MAGI3: variants seen among roughly 807,000 people sequenced by gnomAD.
MAGI3 encodes the protein membrane associated guanylate kinase, WW and PDZ domain containing 3, also known as membrane-associated guanylate kinase, WW and PDZ domain-containing protein 3.
Under a neutral mutation model 121.8 loss-of-function variants are expected in MAGI3, and 43 were observed. The observed-to-expected ratio is 0.35, with a 90% CI of 0.28 to 0.46. The LOEUF (loss-of-function observed/expected upper bound fraction) is 0.46. Among genes scored for constraint, MAGI3 ranks in the 20% least tolerant of loss-of-function variants. The pLI is 1.00. For missense variants in MAGI3, 1,547 were observed against 1,797.3 expected, an observed-to-expected ratio of 0.86 and a Z score of 2.52; for synonymous variants, 553 against 639.3, an observed-to-expected ratio of 0.86 and a Z score of 2.04.
chr1:113,661,569 C>T (rs1653786379), intron 16 of MAGI3, among the ~76,000 whole-genome samples: 1 of 152,164 alleles, frequency 6.6e-6, no homozygotes, highest in African/African-American at 2.4e-5. Flanking sequence ...GTAACTTTTC[C>T]CCCAAAATTA....
rs200713398 is a variant in MAGI3, at chr1:113,646,674, T to A, written c.2155+32T>A. The A allele has an allele frequency of 4.5e-5, 68 of 1,494,716 alleles. 1 individual carries two copies. In the East Asian group the frequency reaches 1.5e-3, roughly 34 times the overall value. 92.6% of individuals were successfully genotyped at this position (1,494,716 alleles called of 1,614,324 possible). A position where few individuals can be genotyped will look rare whatever the true frequency, so the allele number is the denominator to read the frequency against. ...AGTTGTGGAATATTTCAGGAGAGCA[T>A]ATAACAAGATAAATTTGGATTTATT... On this transcript the variant is annotated intron_variant, in intron 12 of 20. Transcript: ENST00000307546.
At chr1:113,514,069 A>T (rs887672684) in intron 1 of MAGI3, among the ~76,000 whole-genome samples, 25 of 152,202 alleles carry the variant, frequency 1.6e-4, no homozygotes, top group Admixed American at 1.3e-3. Context: ...TCAAAACCAC[A>T]ATGAGATACC....
intron 2 of MAGI3, among the ~76,000 whole-genome samples, chr1:113,559,329 C>T (rs1451309194): frequency 4.6e-5 from 7 of 152,186 alleles, no homozygotes; most frequent in Non-Finnish European, 1.0e-4. Context: ...CAAAGACACA[C>T]ATAGGCTCAA....
chr1:113,668,569 CTTT>C (rs370302032), intron 16 of MAGI3, among the ~76,000 whole-genome samples: 1 of 94,846 alleles, frequency 1.1e-5, no homozygotes. Context: ...AAACATGTAA[CTTT>C]TTTTTTTTTT....
rs1011701008 is a variant in MAGI3 at position 113,685,710 on chromosome 1, CAT to C, written c.*1699_*1700del. The C allele has an allele frequency of 1.3e-5, 2 of 152,244 alleles. No individual in the cohort carries two copies. The highest frequency in any genetic ancestry group is 4.8e-5 in the African/African-American group (2 of 41,424). The allele number at this position is 152,244 out of a possible 1,614,324, so 9.4% of individuals were successfully genotyped here. A position where few individuals can be genotyped will look rare whatever the true frequency, so the allele number is the denominator to read the frequency against. On this transcript the variant is annotated 3_prime_UTR_variant, in exon 21 of 21. Transcript: ENST00000307546. ...GTTAACTGTGACATAACTTTGATGT[CAT>C]ATGTTGTCCTATGTGGTTCTTCCTA...
At chr1:113,585,701 T>C in intron 4 of MAGI3, 105 bp downstream of exon 4, 1 of 932,452 alleles carries the variant, frequency 1.1e-6, no homozygotes, top group South Asian at 1.7e-5. Flanking sequence ...GGAGAGCAAG[T>C]GATGGGATTT....
At chr1:113,455,990 G>A (rs1037733749) in intron 1 of MAGI3, among the ~76,000 whole-genome samples, 13 of 150,264 alleles carry the variant, frequency 8.7e-5, no homozygotes, top group East Asian at 1.9e-4. Flanking sequence ...TTGCTCTGTC[G>A]CCCAGGCTGG....
intron 2 of MAGI3, among the ~76,000 whole-genome samples, chr1:113,571,910 GC>G (rs2101704720): frequency 6.6e-6 from 1 of 152,226 alleles, no homozygotes; most frequent in South Asian, 2.1e-4. Context: ...AATTGCCCTG[GC>G]CAGAACTTCC....
chr1:113,488,891 C>T (rs554053559), intron 1 of MAGI3, among the ~76,000 whole-genome samples: 1 of 152,206 alleles, frequency 6.6e-6, no homozygotes, highest in East Asian at 1.9e-4. Flanking sequence ...CTGCCAGTAC[C>T]CCACCCCTGA....
rs376276765 is a variant in MAGI3, at chr1:113,536,797, T to C, written c.317-12718T>C. Among the ~76,000 whole-genome samples, 22 of 152,154 alleles carry C rather than the reference T, an allele frequency of 1.4e-4. No homozygotes were observed. The East Asian group carries it at 1.7e-3, about 12-fold the overall frequency. ...GTTCAAATATAAGATGATTTCCTCTTCTAAGGATAGTTTTTGATATTGAAA... is the reference window on the plus strand; with the variant it reads ...GTTCAAATATAAGATGATTTCCTCTCCTAAGGATAGTTTTTGATATTGAAA... On this transcript the variant is annotated intron_variant, in intron 1 of 20. Transcript: ENST00000307546.
At chr1:113,625,101 G>A (rs965907378) in intron 9 of MAGI3, among the ~76,000 whole-genome samples, 14 of 152,152 alleles carry the variant, frequency 9.2e-5, no homozygotes, top group African/African-American at 2.9e-4. Context: ...CTATAGCTCT[G>A]TAGTATAATT....
chr1:113,662,778 G>T (rs1016750278), intron 16 of MAGI3, among the ~76,000 whole-genome samples: 14 of 152,066 alleles, frequency 9.2e-5, no homozygotes, highest in African/African-American at 3.1e-4. Context: ...ATTTTACACT[G>T]GGTTTTTCTC....
At position 113,653,841 on chromosome 1, in the gene MAGI3, G is replaced by A. The variant is rs767115628; in HGVS notation, c.2452G>A (p.Glu818Lys). 6.1e-5 allele frequency: 98 copies of A among 1,597,836 alleles called. No individual in the cohort carries two copies. The highest frequency in any genetic ancestry group is 2.0e-4 in the East Asian group (9 of 44,422). ...RKIFYGEKQP[E>K]DDSSQAFIST... ...CATGTTTATTACAGAAAAACAACCC[G>A]AGGACGACAGCTCTCAGGCCTTCAT... Residue 818 changes from glutamate to lysine, a missense_variant, in exon 15 of 21, where the codon GAG becomes AAG. By Grantham distance (56) the Glu-to-Lys change is moderately conservative. Coordinates refer to ENST00000307546, the MANE Select transcript of MAGI3 (RefSeq NM_001142782.2).
Position 113,391,376 on chromosome 1 carries a change from G to T in MAGI3, c.316+27G>T. ...TACGCCGGCCCTGCGTATCTGTCTC[G>T]GGGTGTTGGGGAGAGGGGCTTCAGG... On this transcript the variant is annotated intron_variant, in intron 1 of 20. Transcript: ENST00000307546. The surrounding 1 kb of genome is among the most constrained non-coding windows in gnomAD (Gnocchi z 4.4). 1 of 1,566,006 alleles carries T rather than the reference G, an allele frequency of 6.4e-7. No individual in the cohort carries two copies. Among genetic ancestry groups the T allele is most frequent in the Non-Finnish European group, 8.6e-7 (1 of 1,156,462 alleles).
intron 1 of MAGI3, among the ~76,000 whole-genome samples, chr1:113,505,056 G>A (rs1375890721): frequency 1.3e-5 from 2 of 152,012 alleles, no homozygotes; most frequent in Non-Finnish European, 2.9e-5. Context: ...GCAGTATGTA[G>A]CAAAAGAGAA....
chr1:113,622,835 C>A lies in MAGI3; in HGVS notation c.1201C>A (p.Pro401Thr). Residue 401 changes from proline to threonine, a missense_variant, in exon 9 of 21, where the codon CCA (proline) becomes ACA (threonine). Transcript: ENST00000307546. ...GGAAAAATCACACTTCACAAGAGAT[C>A]CATCCCAGCTTAAAGGTGTCCTTGT... Reference protein sequence around the residue: ...DMEKSHFTRDPSQLKGVLVRA... With the variant: ...DMEKSHFTRDTSQLKGVLVRA... The A allele has an allele frequency of 6.3e-7, 1 of 1,589,456 alleles. No homozygotes were observed. The highest frequency in any genetic ancestry group is 8.5e-7 in the Non-Finnish European group (1 of 1,172,348).
intron 1 of MAGI3, among the ~76,000 whole-genome samples, chr1:113,396,924 A>G (rs923221430): frequency 2.6e-5 from 4 of 152,214 alleles, no homozygotes; most frequent in African/African-American, 9.6e-5. Flanking sequence ...GGTGAAAATG[A>G]GACTAACTGG....
chr1:113,397,780 C>T (rs776204023), intron 1 of MAGI3, among the ~76,000 whole-genome samples: 20 of 152,026 alleles, frequency 1.3e-4, no homozygotes, highest in Non-Finnish European at 2.1e-4. Context: ...CCTCATTCCA[C>T]TCATAATGTT....
Position 113,683,549 on chromosome 1 carries a change from C to A in MAGI3, c.3981C>A (p.Ile1327=). The A allele has an allele frequency of 6.2e-7, 1 of 1,613,738 alleles. No individual in the cohort carries two copies. Among genetic ancestry groups the A allele is most frequent in the Non-Finnish European group, 8.5e-7 (1 of 1,179,860 alleles). Residue 1327 remains isoleucine (I), a synonymous_variant, in exon 21 of 21, where the codon ATC becomes ATA. Coordinates refer to ENST00000307546, the MANE Select transcript of MAGI3 (RefSeq NM_001142782.2). The stretch of plus-strand genomic sequence containing the variant: ...ATACGGGCAGTAATGCTGAGCAGAT[C>A]CCAGATGGGAAGGAAAAATCAGACG... The part of the protein sequence containing the change: ...AGYTGSNAEQ[I]PDGKEKSDVI...
Sources: allele counts gnomAD v4.1 joint callset (sites outside exome capture counted in the v4.1 genomes callset), GRCh38; gene constraint gnomAD v4.1.1; non-coding constraint Gnocchi (gnomAD v3.1); transcripts MANE v1.5; gene names NCBI Gene and HGNC (gene_info 2026-07-23, HGNC 2026-07-21).